ZNF10: variants seen among roughly 807,000 people sequenced by gnomAD.
ZNF10 encodes zinc finger protein 10 (KOX 1).
ZNF10 carries 8 observed loss-of-function variants against 12.2 expected under a neutral mutation model. That is an observed-to-expected ratio of 0.66 (90% CI 0.39 to 1.18). The LOEUF (loss-of-function observed/expected upper bound fraction) is 1.18, where lower values mean the gene tolerates loss of function less well. ZNF10 is among the 50% of genes most tolerant of loss of function. The pLI, the probability that ZNF10 is intolerant of heterozygous loss-of-function variation, is 0.01. For missense variants in ZNF10, 603 were observed against 678.9 expected, an observed-to-expected ratio of 0.89 and a Z score of 1.24; for synonymous variants, 229 against 228.2, an observed-to-expected ratio of 1.00 and a Z score of -0.03.
At position 133,151,797 on chromosome 12, in the gene ZNF10, C is replaced by T; in HGVS notation, c.161-12C>T. The stretch of plus-strand genomic sequence containing the variant: ...GACTCTTACCCTGTTCTTTGTCTTT[C>T]ACTGTGAACAGGTTATCAGCTTACT... On this transcript the variant is annotated splice_polypyrimidine_tract_variant and intron_variant, in intron 3 of 4. Transcript: ENST00000248211. 6.2e-7 allele frequency: 1 copy of T among 1,608,750 alleles called. No individual in the cohort carries two copies. The highest frequency in any genetic ancestry group is 8.5e-7 in the Non-Finnish European group (1 of 1,175,472).
intron 2 of ZNF10, chr12:133,144,889 T>G (rs772529519): frequency 4.6e-5 from 21 of 455,230 alleles, no homozygotes; most frequent in Middle Eastern, 3.2e-4. Flanking sequence ...TTATTCTTTT[T>G]TTGTTGTTGT....
intron 2 of ZNF10, among the ~76,000 whole-genome samples, chr12:133,146,857 A>G (rs1211793236): frequency 6.6e-6 from 1 of 151,876 alleles, no homozygotes; most frequent in Non-Finnish European, 1.5e-5. Context: ...AAAAAAAAAC[A>G]AAACACCAAG....
rs755959593 is a variant in ZNF10, at chr12:133,155,674, C to T, written c.428C>T (p.Pro143Leu). The T allele has an allele frequency of 6.2e-7, 1 of 1,613,178 alleles. No individual in the cohort carries two copies. The highest frequency in any genetic ancestry group is 2.2e-5 in the East Asian group (1 of 44,874). Residue 143 changes from proline (P) to leucine (L), a missense_variant, in exon 5 of 5, where the codon CCA becomes CTA. By Grantham distance (98) the Pro-to-Leu change is moderately conservative (BLOSUM62 -3). This residue lies in a region of ZNF10 where 393 missense variants were observed against 399.7 expected (regional missense o/e 0.98). Transcript: ENST00000248211. ...CAGTTAGACAAGTATCAGGAAAACC[C>T]AGAGAGACATTTGAGGCAAGTGGCA... Reference protein sequence around the residue: ...RDQLDKYQENPERHLRQVAFT... With the variant: ...RDQLDKYQENLERHLRQVAFT...
At chr12:133,131,970 A>G (rs1467322487) in intron 1 of ZNF10, among the ~76,000 whole-genome samples, 13 of 152,236 alleles carry the variant, frequency 8.5e-5, no homozygotes, top group Admixed American at 8.5e-4. Flanking sequence ...TTAATTAACT[A>G]ATTAAGTCCC....
At position 133,159,015 on chromosome 12, in the gene ZNF10, G is replaced by C. The variant is rs1166359764; in HGVS notation, c.*2047G>C. The C allele has an allele frequency of 1.3e-5, 2 of 152,158 alleles. No homozygotes were observed. Among genetic ancestry groups the C allele is most frequent in the African/African-American group, 4.8e-5 (2 of 41,422 alleles). The allele number at this position is 152,158 out of a possible 1,614,324, so 9.4% of individuals were successfully genotyped here. Reference sequence around the variant, plus strand: ...GGAGTAGAATAGTCACTTAACTGGGGCTCTTAACATTGCTAATAACCTGTG... The same window carrying C: ...GGAGTAGAATAGTCACTTAACTGGGCCTCTTAACATTGCTAATAACCTGTG... On this transcript the variant is annotated 3_prime_UTR_variant, in exon 5 of 5. Transcript: ENST00000248211.
In ZNF10 at chr12:133,155,836, A is replaced by T; in HGVS notation, c.590A>T (p.His197Leu). 6.2e-7 allele frequency: 1 copy of T among 1,613,732 alleles called. No homozygotes were observed. Among genetic ancestry groups the T allele is most frequent in the Non-Finnish European group, 8.5e-7 (1 of 1,179,868 alleles). The change falls in exon 5 of 5, where the codon CAT becomes CTT. Residue 197 changes from histidine (H) to leucine (L), a missense_variant. His to Leu is a moderately conservative substitution (Grantham distance 99). Around this residue, in one of 3 missense-constraint regions of ZNF10, gnomAD observed 393 missense variants for 399.7 expected, o/e 0.98. Transcript: ENST00000248211. ...GACTCACATACTAAAAGTTTAAAACATGATTTAGTTCTTAATGGTCATCAG... is the reference window on the plus strand; with the variant it reads ...GACTCACATACTAAAAGTTTAAAACTTGATTTAGTTCTTAATGGTCATCAG... ...KRDSHTKSLK[H>L]DLVLNGHQDS...
At position 133,157,965 on chromosome 12, in the gene ZNF10, G is replaced by C. The variant is rs1956052457; in HGVS notation, c.*997G>C. Reference sequence around the variant, plus strand: ...ATATTTAGAGCAAGTGTCCTCATGTGATAAACAGAGCACAGTCCAAAGATA... The same window carrying C: ...ATATTTAGAGCAAGTGTCCTCATGTCATAAACAGAGCACAGTCCAAAGATA... On this transcript the variant is annotated 3_prime_UTR_variant, in exon 5 of 5. Coordinates refer to ENST00000248211, the MANE Select transcript of ZNF10 (RefSeq NM_015394.5). 1 of 152,192 alleles carries C rather than the reference G, an allele frequency of 6.6e-6. No homozygotes were observed. The highest frequency in any genetic ancestry group is 1.5e-5 in the Non-Finnish European group (1 of 68,024). 9.4% of individuals were successfully genotyped at this position (152,192 alleles called of 1,614,324 possible).
At chr12:133,136,177 C>T (rs1380501035) in intron 1 of ZNF10, among the ~76,000 whole-genome samples, 1 of 151,900 alleles carries the variant, frequency 6.6e-6, no homozygotes, top group African/African-American at 2.4e-5. Context: ...AGAGATTTGA[C>T]CCCATCCTTC....
At chr12:133,133,932 A>G (rs1004049928) in intron 1 of ZNF10, among the ~76,000 whole-genome samples, 5 of 152,142 alleles carry the variant, frequency 3.3e-5, no homozygotes, top group African/African-American at 1.2e-4. Flanking sequence ...TCAATGAAGG[A>G]TCTCAAGATG....
intron 1 of ZNF10, among the ~76,000 whole-genome samples, chr12:133,131,351 A>G (rs1263654605): frequency 1.3e-5 from 2 of 152,196 alleles, no homozygotes; most frequent in African/African-American, 4.8e-5. Flanking sequence ...TACGCCATCT[A>G]ACACATAATA....
chr12:133,139,196 C>G (rs1176524041), intron 1 of ZNF10: 1 of 152,196 alleles, frequency 6.6e-6, no homozygotes, highest in Non-Finnish European at 1.5e-5. Context: ...CTTCTTCTTT[C>G]AGTGGCTGTG....
In ZNF10 at chr12:133,155,586, G is replaced by A. The variant is rs767221660; in HGVS notation, c.340G>A (p.Glu114Lys). 3.1e-6 allele frequency: 5 copies of A among 1,613,434 alleles called. No homozygotes were observed. The East Asian group carries it at 1.1e-4, about 36-fold the overall frequency. The change falls in exon 5 of 5, where the codon GAA becomes AAA. Residue 114 changes from glutamate (E) to lysine (K), a missense_variant. Glu to Lys is a moderately conservative substitution (Grantham distance 56). Coordinates refer to ENST00000248211, the MANE Select transcript of ZNF10 (RefSeq NM_015394.5). Reference sequence around the variant, plus strand: ...TAAGCAATCCTGTGACATTAAAATGGAAGGAATGGCAAGGAATGATCTCTG... The same window carrying A: ...TAAGCAATCCTGTGACATTAAAATGAAAGGAATGGCAAGGAATGATCTCTG... ...KDKQSCDIKM[E>K]GMARNDLWYL...
At chr12:133,131,086 C>T (rs781029817) in intron 1 of ZNF10, 1 of 152,164 alleles carries the variant, frequency 6.6e-6, no homozygotes, top group Non-Finnish European at 1.5e-5. Flanking sequence ...TTTTTCCCCC[C>T]AGCTGGGATA....
chr12:133,153,125 A>C (rs1956018365), intron 4 of ZNF10, among the ~76,000 whole-genome samples: 1 of 151,978 alleles, frequency 6.6e-6, no homozygotes, highest in Non-Finnish European at 1.5e-5. Flanking sequence ...ACAAGTATCC[A>C]AAAATAACAA....
intron 2 of ZNF10, among the ~76,000 whole-genome samples, chr12:133,150,455 C>G (rs1956000212): frequency 6.6e-6 from 1 of 152,170 alleles, no homozygotes; most frequent in African/African-American, 2.4e-5. Context: ...AGGTTTTTCT[C>G]TAGATACAAT....
chr12:133,155,767 T>C lies in ZNF10; in HGVS notation c.521T>C (p.Leu174Pro), dbSNP rs1593848110. 1.2e-6 allele frequency: 2 copies of C among 1,613,344 alleles called. No individual in the cohort carries two copies. The highest frequency in any genetic ancestry group is 8.5e-7 in the Non-Finnish European group (1 of 1,179,772). The change falls in exon 5 of 5, where the codon CTT (leucine) becomes CCT (proline). Residue 174 changes from leucine (L) to proline (P), a missense_variant. Leu to Pro is a moderately conservative substitution (Grantham distance 98, BLOSUM62 -3). This residue lies in a region of ZNF10 where 393 missense variants were observed against 399.7 expected (regional missense o/e 0.98). Coordinates refer to ENST00000248211, the MANE Select transcript of ZNF10 (RefSeq NM_015394.5). ...AGTGGTAAATATGGGGGAAACTGTCTTCTTCCTGCTCAGCTAGTACTGAGA... is the reference window on the plus strand; with the variant it reads ...AGTGGTAAATATGGGGGAAACTGTCCTCTTCCTGCTCAGCTAGTACTGAGA... ...SESGKYGGNCLLPAQLVLREY... is the reference protein window; with the variant it reads ...SESGKYGGNCPLPAQLVLREY...
intron 1 of ZNF10, chr12:133,131,002 G>A (rs544412498): frequency 6.6e-6 from 1 of 152,316 alleles, no homozygotes; most frequent in African/African-American, 2.4e-5. Context: ...ACGCAGAGTG[G>A]GCGGCGGTGG....
intron 1 of ZNF10, among the ~76,000 whole-genome samples, chr12:133,135,703 T>C (rs1955906937): frequency 1.3e-5 from 2 of 152,236 alleles, no homozygotes; most frequent in Non-Finnish European, 2.9e-5. Context: ...GTCAGCTCCT[T>C]CCTTGACTCA....
intron 1 of ZNF10, among the ~76,000 whole-genome samples, chr12:133,138,866 T>A (rs1020562155): frequency 1.3e-5 from 2 of 152,212 alleles, no homozygotes; most frequent in African/African-American, 2.4e-5. Context: ...AGGAACCGTC[T>A]GGGTTCGTAC....
Sources: allele counts gnomAD v4.1 joint callset (sites outside exome capture counted in the v4.1 genomes callset), GRCh38; gene constraint gnomAD v4.1.1; regional missense constraint gnomAD v4.1.1; transcripts MANE v1.5; gene names NCBI Gene and HGNC (gene_info 2026-07-23, HGNC 2026-07-21).